Variants in GPR158 observed in about 807,000 individuals in gnomAD.
The protein encoded by GPR158 is metabotropic glycine receptor.
Under a neutral mutation model 78.2 loss-of-function variants are expected in GPR158, and 30 were observed. The observed-to-expected ratio is 0.38, with a 90% CI of 0.29 to 0.52. The LOEUF (loss-of-function observed/expected upper bound fraction) is 0.52, where lower values mean the gene tolerates loss of function less well. Ranked by LOEUF, GPR158 falls within the 20% of genes least tolerant of loss-of-function variation. The pLI is 0.83. For synonymous variants in GPR158, 581 were observed against 591.1 expected, an observed-to-expected ratio of 0.98 and a Z score of 0.25; for missense variants, 1,463 against 1,523.5, an observed-to-expected ratio of 0.96 and a Z score of 0.66.
chr10:25,301,167 T>C (rs1014360811), intron 2 of GPR158, among the ~76,000 whole-genome samples: 2 of 152,204 alleles, frequency 1.3e-5, no homozygotes, highest in African/African-American at 4.8e-5. Context: ...TATATATCTA[T>C]GAAAGGGAGA....
At chr10:25,425,045 C>T (rs1157111464) in intron 4 of GPR158, among the ~76,000 whole-genome samples, 1 of 152,112 alleles carries the variant, frequency 6.6e-6, no homozygotes, top group Non-Finnish European at 1.5e-5. Context: ...TTGTTTGTCT[C>T]CTCTTTTATT....
At chr10:25,328,168 A>G (rs570786366) in intron 2 of GPR158, among the ~76,000 whole-genome samples, 3 of 148,324 alleles carry the variant, frequency 2.0e-5, no homozygotes, top group South Asian at 2.1e-4. Flanking sequence ...CCTAATGGAG[A>G]AAGAGAAATA....
At chr10:25,420,026 T>C (rs1340863683) in intron 4 of GPR158, among the ~76,000 whole-genome samples, 1 of 152,174 alleles carries the variant, frequency 6.6e-6, no homozygotes, top group Admixed American at 6.5e-5. Context: ...CATTGTTGAG[T>C]TGTAGGAGTT....
At position 25,276,720 on chromosome 10, in the gene GPR158, GCA is replaced by G. The variant is rs368440235; in HGVS notation, c.1008+55566_1008+55567del. Reference sequence around the variant, plus strand: ...GCTCCTGGAGAACAGAATCTGCTGAGCACAGAGACCATTTTTAATCAAGAAAA... The same window carrying G: ...GCTCCTGGAGAACAGAATCTGCTGAGCAGAGACCATTTTTAATCAAGAAAA... On this transcript the variant is annotated intron_variant, in intron 2 of 10. Transcript: ENST00000376351. Among the ~76,000 whole-genome samples, 7 of 152,234 alleles carry G rather than the reference GCA, an allele frequency of 4.6e-5. No individual in the cohort carries two copies. In the East Asian group the frequency reaches 7.7e-4, roughly 17 times the overall value.
At chr10:25,467,684 G>T (rs982521752) in intron 5 of GPR158, among the ~76,000 whole-genome samples, 1 of 152,218 alleles carries the variant, frequency 6.6e-6, no homozygotes, top group South Asian at 2.1e-4. Flanking sequence ...GGTCCTCAAA[G>T]TACACGTCAA....
intron 5 of GPR158, among the ~76,000 whole-genome samples, chr10:25,492,300 A>G (rs1308814381): frequency 1.3e-5 from 2 of 152,204 alleles, no homozygotes; most frequent in Non-Finnish European, 2.9e-5. Flanking sequence ...AGTCAGAAAC[A>G]CTATTCAAAT....
At chr10:25,186,939 A>T (rs922340244) in intron 1 of GPR158, among the ~76,000 whole-genome samples, 15 of 150,762 alleles carry the variant, frequency 9.9e-5, no homozygotes, top group African/African-American at 3.7e-4. Flanking sequence ...AATTTTAGAA[A>T]GAGGGAATCC....
At chr10:25,528,112 T>C (rs1217090150) in intron 5 of GPR158, among the ~76,000 whole-genome samples, 2 of 152,042 alleles carry the variant, frequency 1.3e-5, no homozygotes, top group Non-Finnish European at 2.9e-5. Flanking sequence ...AAGAATGGAA[T>C]AGTGTCAATC....
intron 2 of GPR158, among the ~76,000 whole-genome samples, chr10:25,253,764 C>G (rs1372323276): frequency 6.6e-6 from 1 of 152,040 alleles, no homozygotes; most frequent in Non-Finnish European, 1.5e-5. Context: ...TGGTTCATGA[C>G]TTGTTGATGG....
At chr10:25,472,754 CTGTT>C (rs1376193487) in intron 5 of GPR158, among the ~76,000 whole-genome samples, 2 of 151,044 alleles carry the variant, frequency 1.3e-5, no homozygotes, top group African/African-American at 2.4e-5. Context: ...CATGATTTGG[CTGTT>C]TGTTATTGGT....
At chr10:25,497,134 G>T (rs1835892601) in intron 5 of GPR158, among the ~76,000 whole-genome samples, 1 of 152,138 alleles carries the variant, frequency 6.6e-6, no homozygotes. Context: ...AGCCAGAAGG[G>T]GAGTCAGATC....
chr10:25,592,176 T>G lies in GPR158; in HGVS notation c.1893-2116T>G, dbSNP rs537660537. Among the ~76,000 whole-genome samples the G allele has an allele frequency of 7.2e-5, 11 of 152,120 alleles. No homozygotes were observed. The East Asian group carries it at 1.7e-3, about 24-fold the overall frequency. Reference sequence around the variant, plus strand: ...CTTTCTTATATGCTTAAAAAAATTATGTCTATGTATGTATATATACATATA... The same window carrying G: ...CTTTCTTATATGCTTAAAAAAATTAGGTCTATGTATGTATATATACATATA... On this transcript the variant is annotated intron_variant, in intron 8 of 10. Transcript: ENST00000376351.
chr10:25,525,325 A>G (rs1311366306), intron 5 of GPR158, among the ~76,000 whole-genome samples: 2 of 152,212 alleles, frequency 1.3e-5, no homozygotes, highest in African/African-American at 4.8e-5. Flanking sequence ...ACACTTACAC[A>G]TGAATCTTCG....
intron 2 of GPR158, among the ~76,000 whole-genome samples, chr10:25,280,110 G>T (rs1854247438): frequency 6.6e-6 from 1 of 152,124 alleles, no homozygotes; most frequent in South Asian, 2.1e-4. Flanking sequence ...TGAGATGGTA[G>T]AAATGGAACA....
chr10:25,280,216 C>T lies in GPR158; in HGVS notation c.1008+59059C>T, dbSNP rs1218960264. On this transcript the variant is annotated intron_variant, in intron 2 of 10. Coordinates refer to ENST00000376351, the MANE Select transcript of GPR158 (RefSeq NM_020752.3). Reference sequence around the variant, plus strand: ...TAAAAATACAAGATCCAGCTATATTCTGTTTAGATAAAACACACTCAAAGC... The same window carrying T: ...TAAAAATACAAGATCCAGCTATATTTTGTTTAGATAAAACACACTCAAAGC... Among the ~76,000 whole-genome samples, 12 of 152,168 alleles carry T rather than the reference C, an allele frequency of 7.9e-5. 4 individuals carry two copies. The highest frequency in any genetic ancestry group is 7.9e-4 in the Admixed American group (12 of 15,264).
intron 5 of GPR158, among the ~76,000 whole-genome samples, chr10:25,541,578 T>C (rs1459331749): frequency 1.3e-5 from 2 of 150,208 alleles, no homozygotes; most frequent in Admixed American, 1.3e-4. Context: ...TTATGTATGG[T>C]GTAAAGTAGA....
intron 5 of GPR158, among the ~76,000 whole-genome samples, chr10:25,484,543 G>A (rs1228016596): frequency 1.3e-5 from 2 of 152,182 alleles, no homozygotes; most frequent in Admixed American, 1.3e-4. Context: ...GGGAATAAAT[G>A]AGAAGATGCT....
intron 4 of GPR158, among the ~76,000 whole-genome samples, chr10:25,451,652 C>T (rs986497908): frequency 2.0e-5 from 3 of 151,668 alleles, no homozygotes; most frequent in African/African-American, 2.4e-5. Context: ...CAGTTCCATC[C>T]GTTTCTTTGG....
intron 4 of GPR158, among the ~76,000 whole-genome samples, chr10:25,420,935 G>A (rs1164202845): frequency 6.6e-6 from 1 of 152,010 alleles, no homozygotes; most frequent in Non-Finnish European, 1.5e-5. Context: ...AATTGTTTTG[G>A]CTATTTGAGC....
Sources: gnomAD v4.1 joint callset for allele counts (sites outside exome capture counted in the v4.1 genomes callset) on GRCh38, gnomAD v4.1.1 for gene constraint, MANE v1.5 for transcripts, NCBI Gene and HGNC (gene_info 2026-07-23, HGNC 2026-07-21) for gene names.